Variants in THRB observed in about 807,000 individuals in gnomAD.
The protein encoded by THRB is nuclear receptor subfamily 1 group A member 2.
Under a neutral mutation model 47.8 loss-of-function variants are expected in THRB, and 12 were observed. The observed-to-expected ratio is 0.25, with a 90% CI of 0.16 to 0.41. The LOEUF (loss-of-function observed/expected upper bound fraction) is 0.41, where lower values mean the gene tolerates loss of function less well. THRB is among the 10% of genes least tolerant of loss of function. The pLI is 1.00. For synonymous variants in THRB, 218 were observed against 212.2 expected (o/e 1.03, Z -0.24); for missense variants, 348 against 589.2 (o/e 0.59, Z 4.24).
At chr3:24,269,436 C>CAT (rs1423144591) in intron 3 of THRB, among the ~76,000 whole-genome samples, 17 of 137,724 alleles carry the variant, frequency 1.2e-4, no homozygotes, top group African/African-American at 3.3e-4. Context: ...CACACACACA[C>CAT]ACACACTTAA....
At chr3:24,157,330 C>G (rs996570211) in intron 5 of THRB, among the ~76,000 whole-genome samples, 20 of 151,828 alleles carry the variant, frequency 1.3e-4, no homozygotes, top group African/African-American at 4.6e-4. Flanking sequence ...AACACTGAAG[C>G]ACTGGTGGGC....
chr3:24,333,181 G>A (rs761535483), intron 2 of THRB, among the ~76,000 whole-genome samples: 6 of 152,084 alleles, frequency 3.9e-5, no homozygotes, highest in Non-Finnish European at 7.4e-5. Context: ...AAGCAGTTTG[G>A]TGGATGAAAA....
At chr3:24,198,294 C>G (rs541353730) in intron 4 of THRB, among the ~76,000 whole-genome samples, 1 of 152,196 alleles carries the variant, frequency 6.6e-6, no homozygotes, top group Non-Finnish European at 1.5e-5. Flanking sequence ...GCTATTACTA[C>G]ATTCAAGAAT....
intron 1 of THRB, among the ~76,000 whole-genome samples, chr3:24,392,083 T>C (rs1243216425): frequency 6.6e-6 from 1 of 152,172 alleles, no homozygotes; most frequent in Non-Finnish European, 1.5e-5. Flanking sequence ...ATGTGCATCT[T>C]TTTATTGAAT....
At chr3:24,385,264 G>A (rs1186708697) in intron 1 of THRB, among the ~76,000 whole-genome samples, 1 of 152,022 alleles carries the variant, frequency 6.6e-6, no homozygotes, top group African/African-American at 2.4e-5. Flanking sequence ...CAGACAACTG[G>A]CCATCAGCCT....
intron 4 of THRB, among the ~76,000 whole-genome samples, chr3:24,220,508 A>G (rs1374055080): frequency 2.0e-5 from 3 of 152,172 alleles, no homozygotes; most frequent in African/African-American, 7.2e-5. Context: ...AAGCTCCCAG[A>G]GGGATTCTAA....
chr3:24,349,822 A>G (rs1353887057), intron 1 of THRB, among the ~76,000 whole-genome samples: 2 of 152,066 alleles, frequency 1.3e-5, no homozygotes, highest in African/African-American at 4.8e-5. Flanking sequence ...AGCATTAACA[A>G]TAGAGGAAAA....
intron 1 of THRB, among the ~76,000 whole-genome samples, chr3:24,432,748 C>A (rs1269422143): frequency 1.3e-5 from 2 of 151,850 alleles, no homozygotes; most frequent in African/African-American, 4.8e-5. Flanking sequence ...TATAGAGTGG[C>A]TCCCCACTGC....
At chr3:24,380,569 C>T (rs1333196742) in intron 1 of THRB, among the ~76,000 whole-genome samples, 1 of 152,174 alleles carries the variant, frequency 6.6e-6, no homozygotes, top group African/African-American at 2.4e-5. Flanking sequence ...GCCCTATGAA[C>T]ACATATTCTA....
intron 3 of THRB, among the ~76,000 whole-genome samples, chr3:24,296,300 T>G (rs2056441536): frequency 6.6e-6 from 1 of 152,220 alleles, no homozygotes; most frequent in African/African-American, 2.4e-5. Flanking sequence ...TGGAATAAGA[T>G]CTGACATTTA....
At chr3:24,131,736 A>G (rs959492347) in intron 9 of THRB, among the ~76,000 whole-genome samples, 8 of 152,350 alleles carry the variant, frequency 5.3e-5, no homozygotes, top group Admixed American at 4.6e-4. Context: ...ACAGCTGTCT[A>G]TGAATCAGGA....
chr3:24,253,503 T>C (rs1364975970), intron 3 of THRB, among the ~76,000 whole-genome samples: 1 of 152,188 alleles, frequency 6.6e-6, no homozygotes, highest in Admixed American at 6.5e-5. Context: ...CAAAGTGCAC[T>C]GGGAGTACAG....
At position 24,478,716 on chromosome 3, in the gene THRB, G is replaced by A. The variant is rs1306428898; in HGVS notation, c.-261+15936C>T. 3.3e-5 allele frequency among the ~76,000 whole-genome samples: 5 copies of A among 152,090 alleles called. No homozygotes were observed. In the South Asian group the frequency reaches 8.3e-4, roughly 25 times the overall value. ...AGCAGGAGGTGTGTCAGAATCAACC[G>A]GAGAAAATGTTCCAATTTTCCGGAT... is the stretch of plus-strand genomic sequence containing the variant. On this transcript the variant is annotated intron_variant, in intron 1 of 10. Transcript: ENST00000646209.
Position 24,198,002 on chromosome 3 carries a change from A to G in THRB, c.23-7668T>C, listed in dbSNP as rs957052243. 2.6e-5 allele frequency among the ~76,000 whole-genome samples: 4 copies of G among 152,330 alleles called. No homozygotes were observed. The South Asian group carries it at 6.2e-4, about 24-fold the overall frequency. ...AAACACTGACTTAATCGGTTAGTCC[A>G]CTAACATCTGGGATGGGGTGAGCTG... is the stretch of plus-strand genomic sequence containing the variant. On this transcript the variant is annotated intron_variant, in intron 4 of 10. Transcript: ENST00000646209.
chr3:24,278,615 T>A lies in THRB; in HGVS notation c.-43+18611A>T, dbSNP rs181193647. On this transcript the variant is annotated intron_variant, in intron 3 of 10. Transcript: ENST00000646209. Reference sequence around the variant, plus strand: ...CCATATCACAACCCTCTATTTAAATTGCAACATTTGAGACAACAAGATTAA... The same window carrying A: ...CCATATCACAACCCTCTATTTAAATAGCAACATTTGAGACAACAAGATTAA... 4.9e-3 allele frequency among the ~76,000 whole-genome samples: 749 copies of A among 152,296 alleles called. 6 individuals are homozygous for A. Among genetic ancestry groups the A allele is most frequent in the African/African-American group, 0.017 (710 of 41,560 alleles).
intron 3 of THRB, among the ~76,000 whole-genome samples, chr3:24,238,881 C>A (rs1365277473): frequency 6.6e-6 from 1 of 151,862 alleles, no homozygotes; most frequent in Non-Finnish European, 1.5e-5. Flanking sequence ...CATGGGGCTA[C>A]ATTGCAAAGC....
chr3:24,164,036 T>C (rs928533167), intron 5 of THRB, among the ~76,000 whole-genome samples: 1 of 152,148 alleles, frequency 6.6e-6, no homozygotes, highest in African/African-American at 2.4e-5. Flanking sequence ...ATCATGTTTT[T>C]GTAAATTATA....
chr3:24,285,515 T>C (rs1413315813), intron 3 of THRB, among the ~76,000 whole-genome samples: 1 of 150,826 alleles, frequency 6.6e-6, no homozygotes, highest in Non-Finnish European at 1.5e-5. Flanking sequence ...CACACCAGCA[T>C]GGCACATGTA....
intron 2 of THRB, among the ~76,000 whole-genome samples, chr3:24,334,577 C>T (rs1405763965): frequency 6.6e-6 from 1 of 152,170 alleles, no homozygotes; most frequent in Non-Finnish European, 1.5e-5. Flanking sequence ...TTTCCCCAGG[C>T]AATGAGCAAT....
Sources: gnomAD v4.1 joint callset for allele counts (sites outside exome capture counted in the v4.1 genomes callset) on GRCh38, gnomAD v4.1.1 for gene constraint, MANE v1.5 for transcripts, NCBI Gene and HGNC (gene_info 2026-07-23, HGNC 2026-07-21) for gene names.